The following BUB1 variants were observed in gnomAD, a reference collection of about 807,000 sequenced individuals.
BUB1 encodes the protein BUB1 mitotic checkpoint serine/threonine kinase, also known as mitotic checkpoint serine/threonine-protein kinase BUB1.
A neutral mutation model predicts 135.2 loss-of-function variants in BUB1; 84 were observed. The ratio of observed to expected loss-of-function variants is 0.62; its 90% CI spans 0.52 to 0.74. The LOEUF (loss-of-function observed/expected upper bound fraction) is 0.74, where lower values mean the gene tolerates loss of function less well. Among genes scored for constraint, BUB1 ranks in the 30% least tolerant of loss-of-function variants. The pLI, the probability that BUB1 is intolerant of heterozygous loss-of-function variation, is 0.00. For missense variants in BUB1, 1,162 were observed against 1,288.3 expected (o/e 0.90, Z 1.50); for synonymous variants, 403 against 434.4 (o/e 0.93, Z 0.90).
At chr2:110,672,943 C>T in intron 3 of BUB1, 86 bp from the exon 4 acceptor site, 1 of 1,357,238 alleles carries the variant, frequency 7.4e-7, no homozygotes, top group Non-Finnish European at 9.8e-7. Context: ...AAGCTGGGAG[C>T]CCCTAGGTAG....
chr2:110,671,523 C>A (rs975090342), intron 4 of BUB1, among the ~76,000 whole-genome samples: 2 of 152,036 alleles, frequency 1.3e-5, no homozygotes, highest in Admixed American at 6.6e-5. Context: ...TAAAGGCTGG[C>A]AAGGGGTGCA....
At chr2:110,642,026 A>C in intron 20 of BUB1, 93 bp downstream of exon 20, 1 of 1,042,192 alleles carries the variant, frequency 9.6e-7, no homozygotes, top group African/African-American at 1.6e-5. Context: ...TATAAATAAA[A>C]ACACCACTAT....
chr2:110,650,153 ACT>A (rs967593353), intron 18 of BUB1, among the ~76,000 whole-genome samples: 3 of 113,186 alleles, frequency 2.7e-5, no homozygotes, highest in African/African-American at 1.0e-4. Context: ...CCATCTCCAG[ACT>A]CTGTGCTCTT....
chr2:110,660,054 T>G lies in BUB1; in HGVS notation c.1218-18A>C. Reference sequence around the variant, plus strand: ...TCACACATCTGGAAGAGAAAACTCTTGAGACACACTAGAGAATAAAATGCT... The same window carrying G: ...TCACACATCTGGAAGAGAAAACTCTGGAGACACACTAGAGAATAAAATGCT... On this transcript the variant is annotated intron_variant, in intron 10 of 24. Transcript: ENST00000302759. The G allele has an allele frequency of 6.3e-7, 1 of 1,599,642 alleles. No individual in the cohort carries two copies. Among genetic ancestry groups the G allele is most frequent in the South Asian group, 1.1e-5 (1 of 90,698 alleles).
chr2:110,641,892 G>A (rs976013628), intron 20 of BUB1, 89 bp from the exon 21 acceptor site: 1 of 1,383,780 alleles, frequency 7.2e-7, no homozygotes, highest in East Asian at 2.3e-5. Context: ...TAAAAGATGT[G>A]GTGTTGATAG....
At chr2:110,673,405 A>G (rs1690476370) in intron 3 of BUB1, among the ~76,000 whole-genome samples, 2 of 152,232 alleles carry the variant, frequency 1.3e-5, no homozygotes, top group South Asian at 2.1e-4. Context: ...AGTCAGGCAG[A>G]AGCACAGGTA....
intron 17 of BUB1, among the ~76,000 whole-genome samples, chr2:110,651,798 A>G (rs976810353): frequency 6.6e-6 from 1 of 152,148 alleles, no homozygotes; most frequent in African/African-American, 2.4e-5. Flanking sequence ...TTACATACAC[A>G]AATTCTTACA....
intron 8 of BUB1, among the ~76,000 whole-genome samples, chr2:110,666,886 T>C (rs1317053444): frequency 6.6e-6 from 1 of 152,236 alleles, no homozygotes; most frequent in Admixed American, 6.5e-5. Flanking sequence ...AACAGAGTCA[T>C]GCCACAGGCA....
rs1174217980 is a variant in BUB1, at chr2:110,641,337, A to G, written c.2753T>C (p.Ile918Thr). 3 of 1,612,236 alleles carry G rather than the reference A, an allele frequency of 1.9e-6. No individual in the cohort carries two copies. The highest frequency in any genetic ancestry group is 2.5e-6 in the Non-Finnish European group (3 of 1,179,282). The change falls in exon 22 of 25, where the codon ATT becomes ACT. Residue 918 changes from isoleucine (I) to threonine (T), a missense_variant. Ile to Thr is a moderately conservative substitution (Grantham distance 89, BLOSUM62 -1). Coordinates refer to ENST00000302759, the MANE Select transcript of BUB1 (RefSeq NM_004336.5). ...TCCAAGTATGAAATTGTCTGGTTTA[A>G]TGTCTCCATGAATGATTTCACAGTC... ...VHDCEIIHGD[I>T]KPDNFILGNG...
Position 110,658,399 on chromosome 2 carries a change from A to C in BUB1, c.1516+11T>G. The C allele has an allele frequency of 1.9e-6, 3 of 1,596,298 alleles. No individual in the cohort carries two copies. Among genetic ancestry groups the C allele is most frequent in the Non-Finnish European group, 2.6e-6 (3 of 1,166,494 alleles). ...ATGCTATGCACTTAGTAGCTTTTAA[A>C]TAGTTATTACTTTGAAACTGGGCTT... On this transcript the variant is annotated intron_variant, in intron 13 of 24. Coordinates refer to ENST00000302759, the MANE Select transcript of BUB1 (RefSeq NM_004336.5).
intron 16 of BUB1, 148 bp downstream of exon 16, chr2:110,655,591 A>G (rs951895690): frequency 1.3e-6 from 1 of 768,270 alleles, no homozygotes; most frequent in Non-Finnish European, 1.9e-6. Flanking sequence ...CAAAAATACA[A>G]TGAACAGATT....
At chr2:110,675,130 C>G (rs989063701) in intron 1 of BUB1, 2 of 152,314 alleles carry the variant, frequency 1.3e-5, no homozygotes, top group African/African-American at 4.8e-5. Flanking sequence ...GAGAACTCTG[C>G]ATCCCCCACT....
Position 110,649,330 on chromosome 2 carries a change from A to G in BUB1, c.2251T>C (p.Leu751=), listed in dbSNP as rs779306051. Residue 751 remains leucine (L), a synonymous_variant, in exon 19 of 25, where the codon TTA becomes CTA. Coordinates refer to ENST00000302759, the MANE Select transcript of BUB1 (RefSeq NM_004336.5). ...PWDDKLIFKL[L]SGLSKPVSSY... is the part of the protein sequence containing the mutation. ...CTCACTGGTTTAGAAAGCCCAGATA[A>G]AAGTTTGAAAATCAGCTTATCATCC... 2.5e-6 allele frequency: 4 copies of G among 1,611,300 alleles called. No individual in the cohort carries two copies. The highest frequency in any genetic ancestry group is 1.7e-5 in the Admixed American group (1 of 59,792).
chr2:110,639,475 G>A (rs930703281), intron 24 of BUB1, among the ~76,000 whole-genome samples: 1 of 152,080 alleles, frequency 6.6e-6, no homozygotes, highest in Non-Finnish European at 1.5e-5. Context: ...GATTAGGGGT[G>A]GAAACATTTG....
In BUB1 at chr2:110,655,791, A is replaced by AGAC. The variant is rs1192025495; in HGVS notation, c.1821_1823dup (p.Ser608dup). ...CCACTGGAAGCTTGTGGAATGGTGT[A>AGAC]GACGCAAGTTGTGCAGCAGATGTGA... On this transcript the variant is annotated inframe_insertion, in exon 16 of 25. Transcript: ENST00000302759. 6.2e-7 allele frequency: 1 copy of AGAC among 1,614,048 alleles called. No individual in the cohort carries two copies. Among genetic ancestry groups the AGAC allele is most frequent in the South Asian group, 1.1e-5 (1 of 91,074 alleles).
chr2:110,664,490 T>C (rs936391070), intron 9 of BUB1, among the ~76,000 whole-genome samples: 1 of 151,724 alleles, frequency 6.6e-6, no homozygotes, highest in African/African-American at 2.4e-5. Flanking sequence ...AACCAAATTA[T>C]CAACCAAATG....
In BUB1 at chr2:110,666,379, C is replaced by T. The variant is rs1207313725; in HGVS notation, c.841G>A (p.Ala281Thr). 1.3e-6 allele frequency: 2 copies of T among 1,514,112 alleles called. No homozygotes were observed. The highest frequency in any genetic ancestry group is 2.4e-5 in the East Asian group (1 of 40,970). 93.8% of individuals were successfully genotyped at this position (1,514,112 alleles called of 1,614,324 possible). Residue 281 changes from alanine (A) to threonine (T), a missense_variant, in exon 9 of 25, where the codon GCA (alanine) becomes ACA (threonine). Transcript: ENST00000302759. ...AATAGCTGTTCTTCAAAAGCATTTG[C>T]TTCTTTCCTTTTCATATAATGTCTG... Reference protein sequence around the residue: ...EDRHYMKRKEANAFEEQLLKQ... With the variant: ...EDRHYMKRKETNAFEEQLLKQ...
chr2:110,672,715 T>C lies in BUB1; in HGVS notation c.368A>G (p.Gln123Arg). ...GELQHASAVL[Q>R]RGIQNQAEPR... ...TTCAGCCTGGTTTTGAATTCCTCTC[T>C]GAAGGACAGCACTGGCATGCTGCAG... is the stretch of plus-strand genomic sequence containing the variant. The change falls in exon 4 of 25, where the codon CAG (glutamine) becomes CGG (arginine). Residue 123 changes from glutamine (Q) to arginine (R), a missense_variant. Coordinates refer to ENST00000302759, the MANE Select transcript of BUB1 (RefSeq NM_004336.5). 1 of 1,613,346 alleles carries C rather than the reference T, an allele frequency of 6.2e-7. No homozygotes were observed. Among genetic ancestry groups the C allele is most frequent in the Non-Finnish European group, 8.5e-7 (1 of 1,179,702 alleles).
At chr2:110,663,603 T>C (rs938114770) in intron 9 of BUB1, among the ~76,000 whole-genome samples, 5 of 152,230 alleles carry the variant, frequency 3.3e-5, no homozygotes, top group African/African-American at 1.2e-4. Flanking sequence ...ACACTTCACA[T>C]AGCTGTTGAA....
Sources: allele counts gnomAD v4.1 joint callset (sites outside exome capture counted in the v4.1 genomes callset), GRCh38; gene constraint gnomAD v4.1.1; transcripts MANE v1.5; gene names NCBI Gene and HGNC (gene_info 2026-07-23, HGNC 2026-07-21).